Variants in GLDC observed in about 807,000 individuals in gnomAD.
GLDC encodes the protein glycine decarboxylase.
Under a neutral mutation model 121.3 loss-of-function variants are expected in GLDC, and 104 were observed. The ratio of observed to expected loss-of-function variants is 0.86; its 90% CI spans 0.73 to 1.01. The LOEUF is 1.01. Among genes scored for constraint, GLDC ranks in the 50% least tolerant of loss-of-function variants. GLDC has a pLI of 0.00. For synonymous variants in GLDC, 546 were observed against 480.6 expected (o/e 1.14, Z -1.78); for missense variants, 1,429 against 1,306.6 (o/e 1.09, Z -1.44).
intron 3 of GLDC, among the ~76,000 whole-genome samples, chr9:6,612,255 A>T (rs548390865): frequency 9.9e-4 from 139 of 140,852 alleles, no homozygotes; most frequent in South Asian, 3.4e-3. Flanking sequence ...TCTCTCTCTC[A>T]CACACACTCA....
At chr9:6,560,809 T>A (rs923825403) in intron 16 of GLDC, among the ~76,000 whole-genome samples, 17 of 152,198 alleles carry the variant, frequency 1.1e-4, no homozygotes, top group African/African-American at 4.1e-4. Context: ...TTTCCTTATA[T>A]GGCAAGGGGG....
At chr9:6,616,968 A>T (rs913591648) in intron 3 of GLDC, among the ~76,000 whole-genome samples, 5 of 152,358 alleles carry the variant, frequency 3.3e-5, no homozygotes, top group Admixed American at 6.5e-5. Context: ...AAATGTTCTG[A>T]TGTTATCAGT....
chr9:6,543,039 A>C (rs1817302546), intron 21 of GLDC, among the ~76,000 whole-genome samples: 1 of 151,514 alleles, frequency 6.6e-6, no homozygotes, highest in Non-Finnish European at 1.5e-5. Context: ...AGGACTCTTA[A>C]ATGCTCAGCT....
chr9:6,572,311 T>C (rs1165853935), intron 15 of GLDC, among the ~76,000 whole-genome samples: 3 of 152,166 alleles, frequency 2.0e-5, no homozygotes, highest in Non-Finnish European at 4.4e-5. Context: ...AAAATGATGC[T>C]GGGAAAATGA....
intron 15 of GLDC, among the ~76,000 whole-genome samples, chr9:6,582,478 G>A (rs1349320640): frequency 4.6e-5 from 7 of 151,796 alleles, no homozygotes; most frequent in East Asian, 1.9e-4. Flanking sequence ...CCGAGATGGC[G>A]CCACTGCGCT....
rs1819701960 is a variant in GLDC at position 6,644,645 on chromosome 9, C to G, written c.303G>C (p.Leu101Phe). 5 of 1,613,402 alleles carry G rather than the reference C, an allele frequency of 3.1e-6. No individual in the cohort carries two copies. In the African/African-American group the frequency reaches 5.3e-5, roughly 17 times the overall value. Reference sequence around the variant, plus strand: ...GGTCTTCCATTTTCAAGGGTCTTTTCAAACGGATGTTGGCAGGGACCGTCT... The same window carrying G: ...GGTCTTCCATTTTCAAGGGTCTTTTGAAACGGATGTTGGCAGGGACCGTCT... ...IEKTVPANIR[L>F]KRPLKMEDPV... The change falls in exon 2 of 25, where the codon TTG becomes TTC. Residue 101 changes from leucine (L) to phenylalanine (F), a missense_variant. Physicochemically the swap from Leu to Phe is conservative, Grantham distance 22. Coordinates refer to ENST00000321612, the MANE Select transcript of GLDC (RefSeq NM_000170.3).
intron 2 of GLDC, among the ~76,000 whole-genome samples, chr9:6,629,080 C>T (rs1321695506): frequency 6.6e-6 from 1 of 151,816 alleles, no homozygotes; most frequent in African/African-American, 2.4e-5. Flanking sequence ...TGAATGCTTC[C>T]TCTTTACATC....
At chr9:6,617,563 C>G (rs766253593) in intron 3 of GLDC, among the ~76,000 whole-genome samples, 8 of 152,130 alleles carry the variant, frequency 5.3e-5, no homozygotes, top group African/African-American at 1.7e-4. Context: ...GAAAAAGAAG[C>G]CTTCATCAAT....
intron 21 of GLDC, among the ~76,000 whole-genome samples, chr9:6,544,731 TG>T (rs5896157): frequency 0.28 from 42,842 of 151,470 alleles, 8,063 homozygotes; most frequent in African/African-American, 0.52. Flanking sequence ...CTCCTACTAA[TG>T]GGAACTCCAT....
chr9:6,632,286 C>G (rs1238001714), intron 2 of GLDC, among the ~76,000 whole-genome samples: 1 of 152,142 alleles, frequency 6.6e-6, no homozygotes, highest in Non-Finnish European at 1.5e-5. Context: ...CAACTACATC[C>G]CAAAATGTGT....
intron 15 of GLDC, among the ~76,000 whole-genome samples, chr9:6,575,654 T>A (rs965484658): frequency 6.6e-6 from 1 of 152,258 alleles, no homozygotes; most frequent in Non-Finnish European, 1.5e-5. Context: ...AATCACAGTT[T>A]GCAGTTTTTA....
Position 6,608,724 on chromosome 9 carries a change from C to A in GLDC, c.635+1468G>T, listed in dbSNP as rs189564503. On this transcript the variant is annotated intron_variant, in intron 4 of 24. Coordinates refer to ENST00000321612, the MANE Select transcript of GLDC (RefSeq NM_000170.3). Reference sequence around the variant, plus strand: ...TCACGCCACTGTACTCCAGCCCGGGCGAAAGAGCGAGACTCCGTCTCAAAT... The same window carrying A: ...TCACGCCACTGTACTCCAGCCCGGGAGAAAGAGCGAGACTCCGTCTCAAAT... Among the ~76,000 whole-genome samples, 1,048 of 150,984 alleles carry A rather than the reference C, an allele frequency of 6.9e-3. 14 individuals carry two copies. Among genetic ancestry groups the A allele is most frequent in the African/African-American group, 0.024 (993 of 41,090 alleles).
rs375847803 is a variant in GLDC, at chr9:6,608,933, G to A, written c.635+1259C>T. 1.9e-4 allele frequency among the ~76,000 whole-genome samples: 29 copies of A among 152,126 alleles called. 2 individuals are homozygous for A. The highest frequency in any genetic ancestry group is 1.2e-3 in the Admixed American group (19 of 15,274). On this transcript the variant is annotated intron_variant, in intron 4 of 24. Transcript: ENST00000321612. ...GGGAGAACCTGAACCCACCCCCAAC[G>A]GCTGCTCAGGAATCAGAAAGGCCTA...
chr9:6,551,393 T>G (rs1817511391), intron 20 of GLDC, among the ~76,000 whole-genome samples: 1 of 152,230 alleles, frequency 6.6e-6, no homozygotes, highest in African/African-American at 2.4e-5. Context: ...CTGCTCAATC[T>G]TGTCCTGGTA....
Position 6,558,418 on chromosome 9 carries a change from G to C in GLDC, c.2052+141C>G, listed in dbSNP as rs114176366. 1,549 of 943,576 alleles carry C rather than the reference G, an allele frequency of 1.6e-3. 17 individuals are homozygous for C. The African/African-American group carries it at 0.018, about 11-fold the overall frequency. The allele number at this position is 943,576 out of a possible 1,614,324, so 58.5% of individuals were successfully genotyped here. ...CTCCCTGTTGGTGATGGGAGGGGTA[G>C]AGTAGACTCTGGTCAAAGGAAGAAC... is the stretch of plus-strand genomic sequence containing the variant. On this transcript the variant is annotated intron_variant, in intron 17 of 24. Coordinates refer to ENST00000321612, the MANE Select transcript of GLDC (RefSeq NM_000170.3).
intron 16 of GLDC, among the ~76,000 whole-genome samples, chr9:6,559,751 G>T (rs1817712704): frequency 6.6e-6 from 1 of 151,610 alleles, no homozygotes; most frequent in Non-Finnish European, 1.5e-5. Context: ...GGAGGTGGAG[G>T]TTGCAGCGAG....
rs117334403 is a variant in GLDC, at chr9:6,547,379, G to A, written c.2569+3424C>T. ...ACTAAGAACTAGGGAAACATTGAGC[G>A]CATTGGCTACATATACTAAAACAAT... On this transcript the variant is annotated intron_variant, in intron 21 of 24. Transcript: ENST00000321612. Among the ~76,000 whole-genome samples the A allele has an allele frequency of 3.3e-5, 5 of 152,214 alleles. No homozygotes were observed. The East Asian group carries it at 5.8e-4, about 18-fold the overall frequency.
chr9:6,562,644 C>CT (rs1317442327), intron 16 of GLDC, among the ~76,000 whole-genome samples: 2 of 152,176 alleles, frequency 1.3e-5, no homozygotes, highest in Non-Finnish European at 2.9e-5. Context: ...ACTGCAACCT[C>CT]TGCCTCCTGG....
At chr9:6,640,855 G>A (rs1819616752) in intron 2 of GLDC, among the ~76,000 whole-genome samples, 1 of 152,146 alleles carries the variant, frequency 6.6e-6, no homozygotes, top group African/African-American at 2.4e-5. Flanking sequence ...CTACACTGCA[G>A]AAAATTCCAA....
Sources: allele counts gnomAD v4.1 joint callset (sites outside exome capture counted in the v4.1 genomes callset), GRCh38; gene constraint gnomAD v4.1.1; transcripts MANE v1.5; gene names NCBI Gene and HGNC (gene_info 2026-07-23, HGNC 2026-07-21).